The following MAD2L2 variants were observed in gnomAD, a reference collection of about 807,000 sequenced individuals.
MAD2L2 encodes the protein mitotic spindle assembly checkpoint protein MAD2B.
MAD2L2 carries 17 observed loss-of-function variants against 30.5 expected under a neutral mutation model. That is an observed-to-expected ratio of 0.56 (90% CI 0.38 to 0.84). The LOEUF (loss-of-function observed/expected upper bound fraction) is 0.84, where lower values mean the gene tolerates loss of function less well. MAD2L2 is among the 40% of genes least tolerant of loss of function. The probability of loss-of-function intolerance (pLI) is 0.00; values close to 1 mark genes in which losing one functional copy is unlikely to be tolerated. For missense variants in MAD2L2, 213 were observed against 277.4 expected, an observed-to-expected ratio of 0.77 and a Z score of 1.65; for synonymous variants, 101 against 113.9, an observed-to-expected ratio of 0.89 and a Z score of 0.72.
chr1:11,680,001 T>TG (rs1399465969), intron 3 of MAD2L2, among the ~76,000 whole-genome samples: 1 of 112,176 alleles, frequency 8.9e-6, no homozygotes, highest in East Asian at 2.7e-4. Flanking sequence ...TTTTTTTTTT[T>TG]TTTTTTTTTT....
chr1:11,679,991 T>TG (rs1557679862), intron 3 of MAD2L2, among the ~76,000 whole-genome samples: 1 of 84,080 alleles, frequency 1.2e-5, no homozygotes, highest in African/African-American at 4.8e-5. Context: ...AGAGGTTTTT[T>TG]TTTTTTTTTT....
Position 11,690,910 on chromosome 1 carries a change from G to T in MAD2L2, c.-692+503C>A, listed in dbSNP as rs1428833006. Among the ~76,000 whole-genome samples, 1 of 151,804 alleles carries T rather than the reference G, an allele frequency of 6.6e-6. No individual in the cohort carries two copies. The highest frequency in any genetic ancestry group is 2.4e-5 in the African/African-American group (1 of 41,372). On this transcript the variant is annotated intron_variant, in intron 1 of 10. Transcript: ENST00000235310. This position sits in a 1 kb window ranked among gnomAD's most constrained non-coding sequence, Gnocchi z 4.2. ...AGGCCGGCTTTGGACGGGGCGTGGC[G>T]AGAGCCGCGCCGCGTGTGAGTGTGT...
intron 5 of MAD2L2, among the ~76,000 whole-genome samples, chr1:11,676,391 G>A (rs1640770592): frequency 6.6e-6 from 1 of 152,018 alleles, no homozygotes; most frequent in African/African-American, 2.4e-5. Flanking sequence ...GGGGCAGCCT[G>A]AGGAGGCCTC....
At chr1:11,677,417 T>C (rs933314045) in intron 4 of MAD2L2, 126 bp downstream of exon 4, 1 of 923,426 alleles carries the variant, frequency 1.1e-6, no homozygotes, top group East Asian at 2.4e-5. Context: ...AACAGGCTTC[T>C]GGGTATTGGA....
rs770843505 is a variant in MAD2L2, at chr1:11,687,812, G to A, written c.-692+3601C>T. On this transcript the variant is annotated intron_variant, in intron 1 of 10. Coordinates refer to the MAD2L2 transcript ENST00000235310. This position sits in a 1 kb window ranked among gnomAD's most constrained non-coding sequence, Gnocchi z 4.1. ...TCACATATTGATACTTCATTCCTTC[G>A]TAGAACCAAAATACTCCCGTGTATG... Among the ~76,000 whole-genome samples the A allele has an allele frequency of 2.0e-5, 3 of 152,060 alleles. No individual in the cohort carries two copies. Among genetic ancestry groups the A allele is most frequent in the East Asian group, 1.9e-4 (1 of 5,186 alleles).
chr1:11,690,064 T>C lies in MAD2L2; in HGVS notation c.-692+1349A>G, dbSNP rs1570299057. 6.6e-6 allele frequency among the ~76,000 whole-genome samples: 1 copy of C among 152,118 alleles called. No individual in the cohort carries two copies. The highest frequency in any genetic ancestry group is 1.9e-4 in the East Asian group (1 of 5,196). Reference sequence around the variant, plus strand: ...AGAGGCCTTTCCTAATAACTTTATGTAAAACAACACCTCGTCCCTTCATGC... The same window carrying C: ...AGAGGCCTTTCCTAATAACTTTATGCAAAACAACACCTCGTCCCTTCATGC... On this transcript the variant is annotated intron_variant, in intron 1 of 10. Transcript: ENST00000235310. This position sits in a 1 kb window ranked among gnomAD's most constrained non-coding sequence, Gnocchi z 4.2.
rs771235981 is a variant in MAD2L2 at position 11,680,477 on chromosome 1, G to A, written c.41-6C>T. On this transcript the variant is annotated splice_polypyrimidine_tract_variant and splice_region_variant and intron_variant, in intron 2 of 8. Transcript: ENST00000376692. ...GCAGAGCACATCGGCCACCACTGCA[G>A]GGGGGCACAAGCCGGTGGCGCGCTC... 15 of 1,612,908 alleles carry A rather than the reference G, an allele frequency of 9.3e-6. No homozygotes were observed. The highest frequency in any genetic ancestry group is 8.0e-5 in the African/African-American group (6 of 74,878).
At chr1:11,683,873 A>T (rs968658171), upstream of MAD2L2, among the ~76,000 whole-genome samples, 4 of 152,186 alleles carry the variant, frequency 2.6e-5, no homozygotes, top group African/African-American at 4.8e-5. Context: ...CAGGAGGCTG[A>T]GGCAGGACAG....
At chr1:11,685,231 C>T (rs991473536), upstream of MAD2L2, among the ~76,000 whole-genome samples, 4 of 151,914 alleles carry the variant, frequency 2.6e-5, no homozygotes, top group Admixed American at 2.0e-4. Context: ...ATGCCCAGCC[C>T]GAATTCAGGT....
intron 3 of MAD2L2, among the ~76,000 whole-genome samples, chr1:11,679,424 A>C (rs1217934181): frequency 6.6e-6 from 1 of 152,222 alleles, no homozygotes; most frequent in Non-Finnish European, 1.5e-5. Context: ...CATTGAGTTT[A>C]GGATAAATGG....
upstream of MAD2L2, among the ~76,000 whole-genome samples, chr1:11,684,258 GT>G (rs1640924520): frequency 6.6e-6 from 1 of 152,180 alleles, no homozygotes; most frequent in South Asian, 2.1e-4. Context: ...TCAGCATCTG[GT>G]TTTGCATATC....
chr1:11,683,854 C>T (rs1640914482), upstream of MAD2L2, among the ~76,000 whole-genome samples: 1 of 152,100 alleles, frequency 6.6e-6, no homozygotes, highest in South Asian at 2.1e-4. Context: ...GCCTGTAATC[C>T]CAGCTACTCA....
chr1:11,691,688 C>T (rs1172439751), upstream of MAD2L2: 1 of 148,862 alleles, frequency 6.7e-6, no homozygotes, highest in East Asian at 2.0e-4. Context: ...TCCCTCCTGC[C>T]CGCCCACTCC....
In MAD2L2 at chr1:11,690,679, C is replaced by T. The variant is rs992543377; in HGVS notation, c.-692+734G>A. On this transcript the variant is annotated intron_variant, in intron 1 of 10. Coordinates refer to the MAD2L2 transcript ENST00000235310. This position sits in a 1 kb window ranked among gnomAD's most constrained non-coding sequence, Gnocchi z 4.2. ...GGCGCCAGGTGGGAGCGCTGCTTCC[C>T]ACATATGGGAGTCCGGCCCCATCGC... Among the ~76,000 whole-genome samples the T allele has an allele frequency of 2.0e-5, 3 of 152,198 alleles. No homozygotes were observed. Among genetic ancestry groups the T allele is most frequent in the Admixed American group, 2.0e-4 (3 of 15,288 alleles).
At chr1:11,676,996 C>A in intron 4 of MAD2L2, 48 bp from the exon 5 acceptor site, 1 of 1,323,852 alleles carries the variant, frequency 7.6e-7, no homozygotes. Flanking sequence ...CCCACCCCGA[C>A]TACACCACCC....
chr1:11,676,576 A>T (rs1255828485), intron 5 of MAD2L2, among the ~76,000 whole-genome samples: 1 of 152,190 alleles, frequency 6.6e-6, no homozygotes, highest in African/African-American at 2.4e-5. Flanking sequence ...CCAGAGGTCA[A>T]CTTCGAGTTG....
Position 11,674,802 on chromosome 1 carries a change from C to T in MAD2L2, c.609G>A (p.Val203=), listed in dbSNP as rs578142640. The part of the protein sequence containing the change: ...TSDILKMQLY[V]EERAHKGS ...AGCTGCCTTTATGAGCGCGCTCTTCCACGTAAAGCTGCATCTGACGGACAC... is the reference window on the plus strand; with the variant it reads ...AGCTGCCTTTATGAGCGCGCTCTTCTACGTAAAGCTGCATCTGACGGACAC... The change falls in exon 9 of 9, where the codon GTG becomes GTA. Residue 203 remains valine (V), a synonymous_variant. Transcript: ENST00000376692. This position sits in a 1 kb window ranked among gnomAD's most constrained non-coding sequence, Gnocchi z 6.1. 43 of 1,613,752 alleles carry T rather than the reference C, an allele frequency of 2.7e-5. No homozygotes were observed. The East Asian group carries it at 8.5e-4, about 32-fold the overall frequency.
chr1:11,689,509 T>C (rs917067611), intron 1 of MAD2L2, among the ~76,000 whole-genome samples: 1 of 151,968 alleles, frequency 6.6e-6, no homozygotes, highest in African/African-American at 2.4e-5. Context: ...GGCAGGAGAA[T>C]TGCTTGAACC....
chr1:11,684,449 G>A (rs1404985310), upstream of MAD2L2, among the ~76,000 whole-genome samples: 9 of 152,268 alleles, frequency 5.9e-5, no homozygotes, highest in East Asian at 1.5e-3. Context: ...TTTAGGGGGA[G>A]CAAGAGTTTA....
Sources: gnomAD v4.1 joint callset for allele counts (sites outside exome capture counted in the v4.1 genomes callset) on GRCh38, gnomAD v4.1.1 for gene constraint, Gnocchi (gnomAD v3.1) non-coding constraint, MANE v1.5 for transcripts, NCBI Gene and HGNC (gene_info 2026-07-23, HGNC 2026-07-21) for gene names.